SP4: variants seen among roughly 807,000 people sequenced by gnomAD.
The protein encoded by SP4 is Sp4 transcription factor.
In SP4, 19 loss-of-function variants were observed where a neutral mutation model predicts 72.8. The ratio of observed to expected loss-of-function variants is 0.26; its 90% CI spans 0.18 to 0.38. SP4 has a LOEUF of 0.38. Ranked by LOEUF, SP4 falls within the 10% of genes least tolerant of loss-of-function variation. The pLI, the probability that SP4 is intolerant of heterozygous loss-of-function variation, is 1.00. For missense variants in SP4, 1,008 were observed against 926.3 expected (o/e 1.09, Z -1.14); for synonymous variants, 395 against 333.1 (o/e 1.19, Z -2.02).
Position 21,477,282 on chromosome 7 carries a change from C to A in SP4, c.1882C>A (p.Pro628Thr). 4 of 1,613,106 alleles carry A rather than the reference C, an allele frequency of 2.5e-6. No homozygotes were observed. The highest frequency in any genetic ancestry group is 1.3e-5 in the African/African-American group (1 of 75,008). The change falls in exon 4 of 6, where the codon CCT becomes ACT. Residue 628 changes from proline (P) to threonine (T), a missense_variant. By Grantham distance (38) the Pro-to-Thr change is conservative. Around this residue, in one of 3 missense-constraint regions of SP4, gnomAD observed 893 missense variants for 743.3 expected, o/e 1.20. Transcript: ENST00000222584. ...GCTTCGAAGAGTTGCCTGTTCCTGTCCTAATTGTAGGGAAGGAGAAGGAAG... is the reference window on the plus strand; with the variant it reads ...GCTTCGAAGAGTTGCCTGTTCCTGTACTAATTGTAGGGAAGGAGAAGGAAG... ...KRLRRVACSC[P>T]NCREGEGRGS...
intron 3 of SP4, among the ~76,000 whole-genome samples, chr7:21,451,000 A>G (rs1783577841): frequency 1.3e-5 from 2 of 152,112 alleles, no homozygotes; most frequent in East Asian, 1.9e-4. Flanking sequence ...TTGGGGTCTT[A>G]TATGTTGGTG....
intron 3 of SP4, among the ~76,000 whole-genome samples, chr7:21,431,439 C>G (rs1782851666): frequency 1.3e-5 from 2 of 152,172 alleles, no homozygotes; most frequent in Admixed American, 1.3e-4. Context: ...TTTTATGCTA[C>G]TATCAGGATT....
At chr7:21,482,862 A>G (rs34538325) in intron 5 of SP4, 47,713 of 486,518 alleles carry the variant, frequency 0.098, 4,256 homozygotes, top group East Asian at 0.55. Context: ...TTGAACTGCT[A>G]TATAATATTT....
At chr7:21,433,719 T>A (rs1782946795) in intron 3 of SP4, among the ~76,000 whole-genome samples, 1 of 152,136 alleles carries the variant, frequency 6.6e-6, no homozygotes, top group African/African-American at 2.4e-5. Flanking sequence ...GGCAGGTGGA[T>A]CACCTGAGGT....
At chr7:21,488,166 G>GC (rs1784872465) in intron 5 of SP4, among the ~76,000 whole-genome samples, 1 of 152,130 alleles carries the variant, frequency 6.6e-6, no homozygotes, top group South Asian at 2.1e-4. Context: ...CCTCTGCCAA[G>GC]CTAGTGGCTT....
chr7:21,502,153 C>T (rs1562629250), intron 5 of SP4, among the ~76,000 whole-genome samples: 1 of 149,670 alleles, frequency 6.7e-6, no homozygotes, highest in Non-Finnish European at 1.5e-5. Context: ...TTATGGAATA[C>T]CAGGATGAAG....
At position 21,430,833 on chromosome 7, in the gene SP4, T is replaced by G; in HGVS notation, c.1668T>G (p.Thr556=). ...VQVQGVPVTI[T]SVAGQQQGQD... The stretch of plus-strand genomic sequence containing the variant: ...TGCAGGGAGTTCCCGTTACAATCAC[T>G]AGTGTTGCAGGTAAGTTCTGACATC... The change falls in exon 3 of 6, where the codon ACT becomes ACG. Residue 556 remains threonine (T), a synonymous_variant. Transcript: ENST00000222584. 1 of 1,608,834 alleles carries G rather than the reference T, an allele frequency of 6.2e-7. No individual in the cohort carries two copies. Among genetic ancestry groups the G allele is most frequent in the Non-Finnish European group, 8.5e-7 (1 of 1,176,312 alleles).
At chr7:21,472,494 C>T (rs936314721) in intron 3 of SP4, among the ~76,000 whole-genome samples, 4 of 151,948 alleles carry the variant, frequency 2.6e-5, no homozygotes, top group East Asian at 3.9e-4. Context: ...CATCTCACTG[C>T]GTTGCCTAGG....
At chr7:21,475,104 T>C (rs1187102203) in intron 3 of SP4, among the ~76,000 whole-genome samples, 1 of 151,410 alleles carries the variant, frequency 6.6e-6, no homozygotes, top group African/African-American at 2.4e-5. Flanking sequence ...CACCCTTTTT[T>C]TGTTTTTTGT....
intron 5 of SP4, among the ~76,000 whole-genome samples, chr7:21,486,378 T>C (rs1784812279): frequency 6.6e-6 from 1 of 152,136 alleles, no homozygotes; most frequent in Admixed American, 6.5e-5. Flanking sequence ...TACTATTAAT[T>C]ACACTTTCCA....
intron 3 of SP4, among the ~76,000 whole-genome samples, chr7:21,462,986 T>C (rs761611608): frequency 6.6e-6 from 1 of 152,192 alleles, no homozygotes; most frequent in Non-Finnish European, 1.5e-5. Context: ...TAAAAACTTA[T>C]TTCCTCAGTT....
Position 21,429,272 on chromosome 7 carries a change from C to G in SP4, c.124-17C>G, listed in dbSNP as rs751829224. On this transcript the variant is annotated splice_polypyrimidine_tract_variant and intron_variant, in intron 2 of 5. Coordinates refer to ENST00000222584, the MANE Select transcript of SP4 (RefSeq NM_003112.5). Reference sequence around the variant, plus strand: ...TTTTTCCCCCCCCCCTCTCCTTTACCGTCCCATTTTGGGTAGGACTCTCAG... The same window carrying G: ...TTTTTCCCCCCCCCCTCTCCTTTACGGTCCCATTTTGGGTAGGACTCTCAG... 3 of 1,406,998 alleles carry G rather than the reference C, an allele frequency of 2.1e-6. No homozygotes were observed. Among genetic ancestry groups the G allele is most frequent in the East Asian group, 2.4e-5 (1 of 42,480 alleles). The allele number at this position is 1,406,998 out of a possible 1,614,324, so 87.2% of individuals were successfully genotyped here. A position where few individuals can be genotyped will look rare whatever the true frequency, so the allele number is the denominator to read the frequency against.
chr7:21,448,025 T>C (rs1229608131), intron 3 of SP4, among the ~76,000 whole-genome samples: 1 of 152,190 alleles, frequency 6.6e-6, no homozygotes, highest in African/African-American at 2.4e-5. Context: ...TGCATTAAAG[T>C]CAAAGGATGC....
intron 5 of SP4, among the ~76,000 whole-genome samples, chr7:21,495,575 G>T (rs1781685010): frequency 6.6e-6 from 1 of 152,030 alleles, no homozygotes; most frequent in Admixed American, 6.6e-5. Flanking sequence ...AAAATCAAAA[G>T]CAAGAACCAT....
At chr7:21,487,662 G>T (rs1784856378) in intron 5 of SP4, among the ~76,000 whole-genome samples, 1 of 151,474 alleles carries the variant, frequency 6.6e-6, no homozygotes, top group Non-Finnish European at 1.5e-5. Context: ...TTTCCTCCAG[G>T]ATGATTTTTT....
intron 3 of SP4, among the ~76,000 whole-genome samples, chr7:21,442,036 G>A (rs35414712): frequency 2.0e-3 from 61 of 31,130 alleles, no homozygotes; most frequent in East Asian, 9.0e-3. Flanking sequence ...GTGTGTGTGT[G>A]TATTTTTTTT....
intron 3 of SP4, among the ~76,000 whole-genome samples, chr7:21,468,037 A>C (rs1351105093): frequency 6.6e-6 from 1 of 152,164 alleles, no homozygotes; most frequent in Non-Finnish European, 1.5e-5. Context: ...TGTCTTACTT[A>C]CAGAGTAATG....
At chr7:21,428,427 A>T (rs1028941805) in intron 1 of SP4, among the ~76,000 whole-genome samples, 169 bp downstream of exon 1, 1 of 151,916 alleles carries the variant, frequency 6.6e-6, no homozygotes, top group Non-Finnish European at 1.5e-5. Context: ...TTTTGTCTTA[A>T]TGTCTGAGAG....
Position 21,495,789 on chromosome 7 carries a change from C to G in SP4, c.2107+13666C>G, listed in dbSNP as rs1273218332. Among the ~76,000 whole-genome samples the G allele has an allele frequency of 3.4e-4, 51 of 151,418 alleles. 2 individuals are homozygous for G. Among genetic ancestry groups the G allele is most frequent in the Admixed American group, 3.3e-3 (51 of 15,246 alleles). On this transcript the variant is annotated intron_variant, in intron 5 of 5. Transcript: ENST00000222584. Reference sequence around the variant, plus strand: ...AAGAACTGTGTTCACACAAAAAAAGCTGTGAGTGTGCATGTGTGTGTGTGT... The same window carrying G: ...AAGAACTGTGTTCACACAAAAAAAGGTGTGAGTGTGCATGTGTGTGTGTGT...
Sources: gnomAD v4.1 joint callset for allele counts (sites outside exome capture counted in the v4.1 genomes callset) on GRCh38, gnomAD v4.1.1 for gene constraint, gnomAD v4.1.1 regional missense constraint, MANE v1.5 for transcripts, NCBI Gene and HGNC (gene_info 2026-07-23, HGNC 2026-07-21) for gene names.